The following SOX6 variants were observed in gnomAD, a reference collection of about 807,000 sequenced individuals.
The protein encoded by SOX6 is transcription factor SOX-6.
Under a neutral mutation model 97.8 loss-of-function variants are expected in SOX6, and 11 were observed. The observed-to-expected ratio is 0.11, with a 90% confidence interval of 0.07 to 0.19. The LOEUF (loss-of-function observed/expected upper bound fraction) is 0.19, where lower values mean the gene tolerates loss of function less well. Among genes scored for constraint, SOX6 ranks in the 10% least tolerant of loss-of-function variants. The pLI, the probability that SOX6 is intolerant of heterozygous loss-of-function variation, is 1.00. For missense variants in SOX6, 810 were observed against 1,039.5 expected, an observed-to-expected ratio of 0.78 and a Z score of 3.04; for synonymous variants, 360 against 371.4, an observed-to-expected ratio of 0.97 and a Z score of 0.35.
intron 6 of SOX6, among the ~76,000 whole-genome samples, chr11:16,146,551 C>G (rs1340416445): frequency 6.6e-6 from 1 of 152,272 alleles, no homozygotes; most frequent in South Asian, 2.1e-4. Flanking sequence ...AAACTATCAT[C>G]AGAGTGAACA....
At chr11:16,325,995 G>C (rs1348878506) in intron 2 of SOX6, among the ~76,000 whole-genome samples, 2 of 152,114 alleles carry the variant, frequency 1.3e-5, no homozygotes, top group African/African-American at 2.4e-5. Context: ...AAACCTGCTG[G>C]TGCCTTGATC....
intron 4 of SOX6, among the ~76,000 whole-genome samples, chr11:16,528,192 T>C (rs983581632): frequency 2.6e-5 from 4 of 152,110 alleles, no homozygotes; most frequent in Non-Finnish European, 4.4e-5. Context: ...AGTCTGCTCA[T>C]AATTACATGG....
intron 4 of SOX6, among the ~76,000 whole-genome samples, chr11:16,221,489 T>A (rs1852535958): frequency 6.6e-6 from 1 of 152,148 alleles, no homozygotes; most frequent in African/African-American, 2.4e-5. Context: ...AACCACCACT[T>A]GTGCTTTTAT....
intron 3 of SOX6, among the ~76,000 whole-genome samples, chr11:16,254,859 C>A (rs1853636632): frequency 6.6e-6 from 1 of 151,344 alleles, no homozygotes; most frequent in Non-Finnish European, 1.5e-5. Flanking sequence ...AAAATAAGAC[C>A]CAACTATATA....
At position 16,174,138 on chromosome 11, in the gene SOX6, G is replaced by T. The variant is rs1851118584; in HGVS notation, c.777+9748C>A. Among the ~76,000 whole-genome samples, 3 of 150,664 alleles carry T rather than the reference G, an allele frequency of 2.0e-5. No homozygotes were observed. In the East Asian group the frequency reaches 5.9e-4, roughly 30 times the overall value. On this transcript the variant is annotated intron_variant, in intron 6 of 15. Transcript: ENST00000683767. ...ATAGTGCTTGTGAAGTTAGAAGGAT[G>T]GTAAATGAACCTTTCCAATTTATTT...
chr11:16,582,834 T>A (rs1339712929), intron 4 of SOX6, among the ~76,000 whole-genome samples: 1 of 152,070 alleles, frequency 6.6e-6, no homozygotes, highest in Non-Finnish European at 1.5e-5. Context: ...AGTATGAAGA[T>A]CAAATGGTTT....
intron 1 of SOX6, among the ~76,000 whole-genome samples, chr11:16,354,778 T>C (rs547500030): frequency 1.3e-5 from 2 of 152,154 alleles, no homozygotes; most frequent in Admixed American, 6.6e-5. Context: ...AACTTGACAA[T>C]AAATAAAAAG....
At chr11:16,267,615 C>T (rs1283256072) in intron 3 of SOX6, among the ~76,000 whole-genome samples, 3 of 151,438 alleles carry the variant, frequency 2.0e-5, no homozygotes, top group African/African-American at 4.8e-5. Flanking sequence ...TTAGTATAGC[C>T]ATTATGAAAA....
At chr11:16,726,624 T>C (rs749960512) in intron 2 of SOX6, among the ~76,000 whole-genome samples, 17 of 152,204 alleles carry the variant, frequency 1.1e-4, no homozygotes, top group Non-Finnish European at 2.4e-4. Flanking sequence ...GCAATAACAA[T>C]AATCTATATT....
chr11:15,984,174 T>G (rs957738114), intron 15 of SOX6, among the ~76,000 whole-genome samples: 1 of 152,222 alleles, frequency 6.6e-6, no homozygotes, highest in Admixed American at 6.5e-5. Context: ...CAATAAATAA[T>G]AGATGTTATT....
intron 4 of SOX6, among the ~76,000 whole-genome samples, chr11:16,587,985 C>T (rs1848113492): frequency 1.3e-5 from 2 of 152,200 alleles, no homozygotes; most frequent in Admixed American, 1.3e-4. Context: ...CTAAAGTTCT[C>T]ATTAGACACT....
intron 6 of SOX6, among the ~76,000 whole-genome samples, chr11:16,173,182 G>A (rs974861857): frequency 2.0e-5 from 3 of 151,920 alleles, no homozygotes; most frequent in Admixed American, 2.0e-4. Context: ...GGCTCTTGAA[G>A]TTGGCATCCA....
intron 4 of SOX6, among the ~76,000 whole-genome samples, chr11:16,219,083 C>G (rs1852461788): frequency 2.0e-5 from 3 of 152,182 alleles, no homozygotes; most frequent in African/African-American, 7.2e-5. Flanking sequence ...GAGTCTTAGA[C>G]CTTTACTCGG....
intron 1 of SOX6, among the ~76,000 whole-genome samples, chr11:16,350,564 T>C (rs189255028): frequency 1.3e-5 from 2 of 152,170 alleles, no homozygotes; most frequent in Non-Finnish European, 2.9e-5. Flanking sequence ...ACTTCGATGA[T>C]GAGTAATTTA....
chr11:16,017,084 A>G (rs1454797130), intron 12 of SOX6, among the ~76,000 whole-genome samples: 2 of 152,090 alleles, frequency 1.3e-5, no homozygotes, highest in Non-Finnish European at 2.9e-5. Flanking sequence ...ATTACATGCC[A>G]TGGTTTGTAA....
chr11:16,714,786 C>A (rs1239583770), intron 3 of SOX6: 1 of 152,146 alleles, frequency 6.6e-6, no homozygotes, highest in Non-Finnish European at 1.5e-5. Flanking sequence ...TTTATGTCTA[C>A]CAGATGTGTC....
chr11:16,424,675 A>G (rs1035141348), intron 1 of SOX6, among the ~76,000 whole-genome samples: 23 of 152,258 alleles, frequency 1.5e-4, no homozygotes, highest in African/African-American at 5.3e-4. Context: ...AGAAAAGACT[A>G]TGGATGGAAT....
chr11:15,982,328 T>A (rs1302678175), intron 15 of SOX6, among the ~76,000 whole-genome samples: 1 of 152,104 alleles, frequency 6.6e-6, no homozygotes, highest in African/African-American at 2.4e-5. Flanking sequence ...TTCCCTATCT[T>A]GTAAATTTGT....
intron 1 of SOX6, among the ~76,000 whole-genome samples, chr11:16,414,663 G>C (rs531100768): frequency 6.6e-6 from 1 of 152,114 alleles, no homozygotes; most frequent in Non-Finnish European, 1.5e-5. Flanking sequence ...AACAAAAAGA[G>C]AGAGACAAAA....
Sources: allele counts gnomAD v4.1 joint callset (sites outside exome capture counted in the v4.1 genomes callset), GRCh38; gene constraint gnomAD v4.1.1; transcripts MANE v1.5; gene names NCBI Gene and HGNC (gene_info 2026-07-23, HGNC 2026-07-21).